Variants in KCNC4 observed in about 807,000 individuals in gnomAD.
KCNC4 encodes the protein potassium voltage-gated channel subfamily C member 4.
In KCNC4, 23 loss-of-function variants were observed where a neutral mutation model predicts 42.8. The observed-to-expected ratio is 0.54, with a 90% CI of 0.39 to 0.76. The LOEUF is 0.76. KCNC4 is among the 30% of genes least tolerant of loss of function. The pLI is 0.00. For missense variants in KCNC4, 751 were observed against 898.2 expected (o/e 0.84, Z 2.10); for synonymous variants, 422 against 393.5 (o/e 1.07, Z -0.86).
At position 110,211,795 on chromosome 1, in the gene KCNC4, A is replaced by G; in HGVS notation, c.296A>G (p.His99Arg). 6.2e-7 allele frequency: 1 copy of G among 1,611,194 alleles called. No homozygotes were observed. Among genetic ancestry groups the G allele is most frequent in the Non-Finnish European group, 8.5e-7 (1 of 1,179,734 alleles). ...GGCTGCGAGTTCTTCTTCGACAGGC[A>G]CCCGGGCGTCTTCGCCTACGTGCTC... ...GGGCEFFFDR[H>R]PGVFAYVLNY... Residue 99 changes from histidine to arginine, a missense_variant, in exon 1 of 4, where the codon CAC becomes CGC. Around this residue, in one of 4 missense-constraint regions of KCNC4, gnomAD observed 183 missense variants for 255.8 expected, o/e 0.72. Coordinates refer to ENST00000438661, the MANE Select transcript of KCNC4 (RefSeq NM_001039574.3). This position sits in a 1 kb window ranked among gnomAD's most constrained non-coding sequence, Gnocchi z 6.5.
intron 3 of KCNC4, among the ~76,000 whole-genome samples, chr1:110,228,106 C>T (rs549555172): frequency 6.6e-6 from 1 of 152,300 alleles, no homozygotes; most frequent in Admixed American, 6.5e-5. Context: ...CGGCAACTTT[C>T]TCCACGCCGT....
chr1:110,217,258 C>T (rs1657847168), intron 1 of KCNC4, among the ~76,000 whole-genome samples: 1 of 152,076 alleles, frequency 6.6e-6, no homozygotes, highest in Non-Finnish European at 1.5e-5. Flanking sequence ...ATCAATAAAT[C>T]CCACCTCTAC....
intron 3 of KCNC4, among the ~76,000 whole-genome samples, chr1:110,227,463 G>A (rs964754411): frequency 6.6e-6 from 1 of 152,220 alleles, no homozygotes; most frequent in African/African-American, 2.4e-5. Context: ...ATAGTGATCT[G>A]GTGCCTAGAA....
chr1:110,262,419 A>T (rs7553286), intron 1 of KCNC4, among the ~76,000 whole-genome samples: 42,060 of 151,992 alleles, frequency 0.28, 6,192 homozygotes, highest in Non-Finnish European at 0.33. Flanking sequence ...CAGTGACTGC[A>T]TCTTCTTCTT....
chr1:110,226,382 G>A (rs1658398257), intron 3 of KCNC4: 7 of 607,150 alleles, frequency 1.2e-5, no homozygotes, highest in Admixed American at 7.9e-5. Flanking sequence ...AAGGGCACAC[G>A]GCTCCCATCC....
At chr1:110,214,877 T>C (rs994160809) in intron 1 of KCNC4, among the ~76,000 whole-genome samples, 1 of 152,208 alleles carries the variant, frequency 6.6e-6, no homozygotes. Flanking sequence ...CCTCCAGGCC[T>C]GAGGGTACTA....
intron 1 of KCNC4, among the ~76,000 whole-genome samples, chr1:110,275,583 A>C (rs915772055): frequency 5.9e-5 from 9 of 152,224 alleles, no homozygotes; most frequent in Non-Finnish European, 7.3e-5. Context: ...AATAGCAAAA[A>C]TAGGGAATCA....
In KCNC4 at chr1:110,211,826, C is replaced by T. The variant is rs764761061; in HGVS notation, c.327C>T (p.Tyr109=). 1.2e-6 allele frequency: 2 copies of T among 1,611,644 alleles called. No individual in the cohort carries two copies. Among genetic ancestry groups the T allele is most frequent in the Non-Finnish European group, 1.7e-6 (2 of 1,179,812 alleles). ...HPGVFAYVLN[Y]YRTGKLHCPA... ...GCGTCTTCGCCTACGTGCTCAACTACTACCGCACCGGCAAGCTGCACTGCC... is the reference window on the plus strand; with the variant it reads ...GCGTCTTCGCCTACGTGCTCAACTATTACCGCACCGGCAAGCTGCACTGCC... Residue 109 remains tyrosine (Y), a synonymous_variant, in exon 1 of 4, where the codon TAC becomes TAT. Coordinates refer to ENST00000438661, the MANE Select transcript of KCNC4 (RefSeq NM_001039574.3). This position sits in a 1 kb window ranked among gnomAD's most constrained non-coding sequence, Gnocchi z 6.5.
At position 110,211,745 on chromosome 1, in the gene KCNC4, TAGCAGCGGCAGC is replaced by T; in HGVS notation, c.250_261del (p.Ser84_Ser87del). On this transcript the variant is annotated inframe_deletion, in exon 1 of 4. Transcript: ENST00000438661. The surrounding 1 kb of genome is among the most constrained non-coding windows in gnomAD (Gnocchi z 6.5). ...CCGAGACCGATGGCGGCGGTGTGGGTAGCAGCGGCAGCAGCGGCGGCGGGGGCTGCGAGTTCT... is the reference window on the plus strand; with the variant it reads ...CCGAGACCGATGGCGGCGGTGTGGGTAGCGGCGGCGGGGGCTGCGAGTTCT... The T allele has an allele frequency of 6.2e-7, 1 of 1,609,270 alleles. No homozygotes were observed. The highest frequency in any genetic ancestry group is 8.5e-7 in the Non-Finnish European group (1 of 1,178,626).
intron 3 of KCNC4, among the ~76,000 whole-genome samples, chr1:110,229,870 C>T (rs1658605722): frequency 6.6e-6 from 1 of 152,062 alleles, no homozygotes; most frequent in South Asian, 2.1e-4. Context: ...GACCTGACAG[C>T]AGAGCCGTGC....
intron 3 of KCNC4, among the ~76,000 whole-genome samples, chr1:110,226,965 C>G (rs368065258): frequency 6.6e-6 from 1 of 152,164 alleles, no homozygotes; most frequent in Non-Finnish European, 1.5e-5. Context: ...GTGGAGGGCC[C>G]GCGGTGGCTG....
exon 4 of KCNC4, chr1:110,242,695 A>C (rs906371095): frequency 6.6e-6 from 1 of 152,212 alleles, no homozygotes; most frequent in East Asian, 1.9e-4. Context: ...ATAATAGCTA[A>C]CGTGGATTGA....
At chr1:110,272,291 A>C (rs1659649687) in intron 1 of KCNC4, among the ~76,000 whole-genome samples, 1 of 152,230 alleles carries the variant, frequency 6.6e-6, no homozygotes, top group South Asian at 2.1e-4. Context: ...CCAGAATGCA[A>C]TCAGAGCTCA....
chr1:110,232,555 C>T lies in KCNC4; in HGVS notation c.1820-356C>T, dbSNP rs1009354822. ...TCCACTGCACTGGAGCTTTGAAGAC[C>T]TAAGAGGCTAGTGGTTCCTGGAGCT... is the stretch of plus-strand genomic sequence containing the variant. On this transcript the variant is annotated intron_variant, in intron 3 of 3. Coordinates refer to ENST00000438661, the MANE Select transcript of KCNC4 (RefSeq NM_001039574.3). The T allele has an allele frequency of 2.8e-6, 4 of 1,434,752 alleles. No individual in the cohort carries two copies. The African/African-American group carries it at 5.7e-5, about 21-fold the overall frequency. The allele number at this position is 1,434,752 out of a possible 1,614,324, so 88.9% of individuals were successfully genotyped here. A position where few individuals can be genotyped will look rare whatever the true frequency, so the allele number is the denominator to read the frequency against.
chr1:110,238,287 A>G (rs1161199975), downstream of KCNC4: 2 of 152,182 alleles, frequency 1.3e-5, no homozygotes, highest in Non-Finnish European at 2.9e-5. Context: ...ATACGAGTCT[A>G]CAGAAATGTA....
chr1:110,223,949 G>C lies in KCNC4; in HGVS notation c.1615+49G>C. ...AAATCCCTTTTCCCCCAGTGGCCTA[G>C]GGAGTTTCCAAATGGACCTCAGACC... On this transcript the variant is annotated intron_variant, in intron 2 of 3. Transcript: ENST00000438661. This position sits in a 1 kb window ranked among gnomAD's most constrained non-coding sequence, Gnocchi z 7.5. 7.0e-7 allele frequency: 1 copy of C among 1,429,312 alleles called. No individual in the cohort carries two copies. The highest frequency in any genetic ancestry group is 9.5e-7 in the Non-Finnish European group (1 of 1,049,250). The allele number at this position is 1,429,312 out of a possible 1,614,324, so 88.5% of individuals were successfully genotyped here. A position where few individuals can be genotyped will look rare whatever the true frequency, so the allele number is the denominator to read the frequency against.
chr1:110,215,219 C>G (rs2100989641), intron 1 of KCNC4, among the ~76,000 whole-genome samples: 1 of 152,358 alleles, frequency 6.6e-6, no homozygotes, highest in East Asian at 1.9e-4. Context: ...GCCCAAGGAG[C>G]TGTTCCGCTC....
At chr1:110,218,185 C>T (rs565636724) in intron 1 of KCNC4, among the ~76,000 whole-genome samples, 5 of 152,304 alleles carry the variant, frequency 3.3e-5, no homozygotes, top group East Asian at 1.9e-4. Context: ...CCTCTCCCCT[C>T]GACCCAGCCT....
At chr1:110,232,219 A>G (rs758049110) in intron 3 of KCNC4, 1 of 1,613,724 alleles carries the variant, frequency 6.2e-7, no homozygotes, top group African/African-American at 1.3e-5. Context: ...CTCCTGAGAC[A>G]GGCACATTCG....
Sources: gnomAD v4.1 joint callset for allele counts (sites outside exome capture counted in the v4.1 genomes callset) on GRCh38, gnomAD v4.1.1 for gene constraint, gnomAD v4.1.1 regional missense constraint, Gnocchi (gnomAD v3.1) non-coding constraint, MANE v1.5 for transcripts, NCBI Gene and HGNC (gene_info 2026-07-23, HGNC 2026-07-21) for gene names.